MRPL48: variants seen among roughly 807,000 people sequenced by gnomAD.
The protein encoded by MRPL48 is mitochondrial ribosomal protein L48.
In MRPL48, 16 loss-of-function variants were observed where a neutral mutation model predicts 32.9. The observed-to-expected ratio is 0.49, with a 90% CI of 0.33 to 0.74. MRPL48 has a LOEUF of 0.74. Among genes scored for constraint, MRPL48 ranks in the 30% least tolerant of loss-of-function variants. The pLI is 0.02. For synonymous variants in MRPL48, 94 were observed against 89.2 expected (o/e 1.05, Z -0.31); for missense variants, 206 against 245.3 (o/e 0.84, Z 1.07).
At chr11:73,798,110 C>T (rs1304685727) in intron 1 of MRPL48, among the ~76,000 whole-genome samples, 1 of 151,924 alleles carries the variant, frequency 6.6e-6, no homozygotes, top group Non-Finnish European at 1.5e-5. Flanking sequence ...GAGACAGAGT[C>T]TCGCTCTGTC....
chr11:73,844,876 T>G lies in MRPL48; in HGVS notation c.271T>G (p.Leu91Val). ...GGGGACAGATTATGAATATGGGGTT[T>G]TAAATATTCATCTGACTGCATATGA... ...NLGTDYEYGV[L>V]NIHLTAYDMT... is the part of the protein sequence containing the mutation. Residue 91 changes from leucine (L) to valine (V), a missense_variant, in exon 5 of 8, where the codon TTA becomes GTA. Transcript: ENST00000310614. 7 of 1,613,796 alleles carry G rather than the reference T, an allele frequency of 4.3e-6. No individual in the cohort carries two copies. The highest frequency in any genetic ancestry group is 5.9e-6 in the Non-Finnish European group (7 of 1,179,754).
At chr11:73,858,238 G>A (rs1386412735) in intron 5 of MRPL48, among the ~76,000 whole-genome samples, 2 of 152,166 alleles carry the variant, frequency 1.3e-5, no homozygotes, top group South Asian at 2.1e-4. Flanking sequence ...AAAAGCAGGA[G>A]GGATGTTATT....
chr11:73,804,006 G>A (rs1428382271), intron 1 of MRPL48, among the ~76,000 whole-genome samples: 1 of 151,838 alleles, frequency 6.6e-6, no homozygotes, highest in African/African-American at 2.4e-5. Flanking sequence ...TGCAACCTCC[G>A]CCTCCTGGGT....
At chr11:73,820,355 G>T (rs1337152091) in intron 3 of MRPL48, among the ~76,000 whole-genome samples, 3 of 152,122 alleles carry the variant, frequency 2.0e-5, no homozygotes, top group African/African-American at 7.2e-5. Flanking sequence ...TTCCTGAGTA[G>T]CAGGGACTAC....
At chr11:73,819,977 T>A (rs1947744812) in intron 3 of MRPL48, among the ~76,000 whole-genome samples, 1 of 152,228 alleles carries the variant, frequency 6.6e-6, no homozygotes, top group Non-Finnish European at 1.5e-5. Context: ...ATTAGATTTT[T>A]ATTTTAAAAG....
intron 5 of MRPL48, among the ~76,000 whole-genome samples, chr11:73,849,160 G>A (rs1260004148): frequency 2.0e-5 from 3 of 149,074 alleles, no homozygotes; most frequent in Non-Finnish European, 4.5e-5. Context: ...TTGTTGAGAC[G>A]GAGTCTTGCT....
chr11:73,800,277 G>C (rs1205632466), intron 1 of MRPL48, among the ~76,000 whole-genome samples: 1 of 151,960 alleles, frequency 6.6e-6, no homozygotes, highest in Non-Finnish European at 1.5e-5. Flanking sequence ...AATAGTATGC[G>C]TAAAGTGCCT....
intron 1 of MRPL48, among the ~76,000 whole-genome samples, chr11:73,792,045 T>C (rs760044079): frequency 1.7e-4 from 26 of 152,196 alleles, no homozygotes; most frequent in Non-Finnish European, 2.5e-4. Context: ...GACATGCCCT[T>C]CTGTGCCTAA....
intron 4 of MRPL48, among the ~76,000 whole-genome samples, chr11:73,829,040 G>T (rs908906247): frequency 2.0e-5 from 3 of 152,102 alleles, no homozygotes; most frequent in African/African-American, 7.2e-5. Context: ...CATATGTCAT[G>T]CTCTGACCCA....
intron 4 of MRPL48, among the ~76,000 whole-genome samples, chr11:73,830,091 A>G (rs1200295870): frequency 6.6e-5 from 10 of 152,128 alleles, no homozygotes; most frequent in Admixed American, 6.6e-4. Flanking sequence ...ACTATGTTCT[A>G]TTTTAGATTA....
intron 1 of MRPL48, 28 bp downstream of exon 1, chr11:73,788,020 G>GC (rs948593046): frequency 6.2e-7 from 1 of 1,612,256 alleles, no homozygotes; most frequent in African/African-American, 1.3e-5. Context: ...CACGCGGGGC[G>GC]CGGGGAGATG....
At chr11:73,811,595 A>G (rs1357155217) in intron 3 of MRPL48, among the ~76,000 whole-genome samples, 1 of 152,172 alleles carries the variant, frequency 6.6e-6, no homozygotes, top group African/African-American at 2.4e-5. Flanking sequence ...TTTGTATTAA[A>G]ACAAAAAGAT....
intron 5 of MRPL48, among the ~76,000 whole-genome samples, chr11:73,845,356 T>C (rs1381275909): frequency 6.6e-6 from 1 of 152,262 alleles, no homozygotes; most frequent in Non-Finnish European, 1.5e-5. Context: ...TTTTTAGTGG[T>C]AAAATACACA....
intron 2 of MRPL48, among the ~76,000 whole-genome samples, chr11:73,806,385 T>G (rs563896318): frequency 1.3e-5 from 2 of 152,288 alleles, no homozygotes; most frequent in South Asian, 4.1e-4. Flanking sequence ...TCCTCAGATA[T>G]CCATATGGTT....
At chr11:73,789,696 G>T (rs1161502973) in intron 1 of MRPL48, among the ~76,000 whole-genome samples, 1 of 152,166 alleles carries the variant, frequency 6.6e-6, no homozygotes, top group Non-Finnish European at 1.5e-5. Flanking sequence ...TATTTTGTAA[G>T]GAATGAAGGA....
chr11:73,849,299 G>C (rs1453313777), intron 5 of MRPL48, among the ~76,000 whole-genome samples: 1 of 151,506 alleles, frequency 6.6e-6, no homozygotes, highest in African/African-American at 2.4e-5. Context: ...ACCACACCCG[G>C]CTTATGTTTG....
intron 6 of MRPL48, among the ~76,000 whole-genome samples, chr11:73,860,766 C>T (rs781153237): frequency 7.2e-5 from 11 of 152,090 alleles, no homozygotes; most frequent in East Asian, 1.9e-4. Flanking sequence ...ACAATAAAAA[C>T]GGTTTTTAGT....
intron 4 of MRPL48, among the ~76,000 whole-genome samples, chr11:73,827,754 G>A (rs545349294): frequency 3.9e-5 from 6 of 152,224 alleles, no homozygotes; most frequent in East Asian, 1.9e-4. Flanking sequence ...TAACCTTGCC[G>A]TGTTCTTCTG....
chr11:73,860,295 T>C (rs1792186), intron 6 of MRPL48: 16,947 of 242,398 alleles, frequency 0.07, 835 homozygotes, highest in African/African-American at 0.16. Context: ...CCCAGTTGTC[T>C]ACTGGCCTTC....
Sources: allele counts gnomAD v4.1 joint callset (sites outside exome capture counted in the v4.1 genomes callset), GRCh38; gene constraint gnomAD v4.1.1; transcripts MANE v1.5; gene names NCBI Gene and HGNC (gene_info 2026-07-23, HGNC 2026-07-21).